The following LUZP1 variants were observed in gnomAD, a reference collection of about 807,000 sequenced individuals.
LUZP1 encodes the protein filamin mechanobinding actin cross-linking protein.
In LUZP1, 25 loss-of-function variants were observed where a neutral mutation model predicts 71.3. The ratio of observed to expected loss-of-function variants is 0.35; its 90% CI spans 0.26 to 0.49. LUZP1 has a LOEUF of 0.49. Among genes scored for constraint, LUZP1 ranks in the 20% least tolerant of loss-of-function variants. The probability of loss-of-function intolerance (pLI) is 0.99; values close to 1 mark genes in which losing one functional copy is unlikely to be tolerated. For missense variants in LUZP1, 1,142 were observed against 1,300.8 expected (o/e 0.88, Z 1.88); for synonymous variants, 481 against 506.4 (o/e 0.95, Z 0.67).
intron 2 of LUZP1, among the ~76,000 whole-genome samples, chr1:23,111,647 C>T (rs1644033958): frequency 6.6e-6 from 1 of 152,086 alleles, no homozygotes; most frequent in African/African-American, 2.4e-5. Flanking sequence ...GCTCTCCACC[C>T]TCTGCTTTTA....
Position 23,139,113 on chromosome 1 carries a change from GA to G in LUZP1, c.-226+29652del, listed in dbSNP as rs969811441. Among the ~76,000 whole-genome samples the G allele has an allele frequency of 3.8e-5, 5 of 130,750 alleles. No homozygotes were observed. In the East Asian group the frequency reaches 6.6e-4, roughly 17 times the overall value. The allele number at this position is 130,750 out of a possible 152,430, so 85.8% of individuals were successfully genotyped here. ...TATATATAGATTATATATAGATATA[GA>G]TTTTTTTTTTCCACACACACACAGA... On this transcript the variant is annotated intron_variant, in intron 2 of 4. Coordinates refer to ENST00000302291, the Ensembl canonical transcript of LUZP1.
intron 3 of LUZP1, among the ~76,000 whole-genome samples, chr1:23,107,534 C>A (rs896483362): frequency 2.6e-5 from 4 of 152,156 alleles, no homozygotes; most frequent in African/African-American, 9.7e-5. Context: ...GGTGCAGTGG[C>A]TCACACTTAT....
rs377198437 is a variant in LUZP1 at position 23,151,928 on chromosome 1, G to A, written c.-226+16838C>T. On this transcript the variant is annotated intron_variant, in intron 2 of 4. Coordinates refer to ENST00000302291, the Ensembl canonical transcript of LUZP1. ...GAGGCAGGAGAATCGCTTGAACCCA[G>A]GAGGCGGAGGTTGCAGTGAGCCAAG... Among the ~76,000 whole-genome samples the A allele has an allele frequency of 4.7e-4, 71 of 151,724 alleles. 1 individual carries two copies. Among genetic ancestry groups the A allele is most frequent in the East Asian group, 4.3e-3 (22 of 5,168 alleles).
chr1:23,176,696 A>G (rs928011371), intron 1 of LUZP1, among the ~76,000 whole-genome samples: 2 of 152,144 alleles, frequency 1.3e-5, no homozygotes, highest in Admixed American at 6.5e-5. Flanking sequence ...TCAAGACCCT[A>G]TAGAAAGAGT....
At chr1:23,140,585 C>G (rs1361931709) in intron 2 of LUZP1, 1 of 152,252 alleles carries the variant, frequency 6.6e-6, no homozygotes, top group African/African-American at 2.4e-5. Flanking sequence ...GTCCTTCCTG[C>G]CCTTTGAGGC....
In LUZP1 at chr1:23,116,616, AGAAAAGAAAAG is replaced by A. The variant is rs1217626982; in HGVS notation, c.-225-7500_-225-7490del. On this transcript the variant is annotated intron_variant, in intron 2 of 4. Transcript: ENST00000302291. ...AAAAAAGGCAAAGAGAAGAAAAAAGAGAAAAGAAAAGGAAAAGAAAAGAAAAGAAAGAAAAG... is the reference window on the plus strand; with the variant it reads ...AAAAAAGGCAAAGAGAAGAAAAAAGAGAAAAGAAAAGAAAAGAAAGAAAAG... Among the ~76,000 whole-genome samples the A allele has an allele frequency of 4.8e-4, 73 of 152,012 alleles. 1 individual carries two copies. Among genetic ancestry groups the A allele is most frequent in the African/African-American group, 1.6e-3 (65 of 41,484 alleles).
At chr1:23,126,698 T>C (rs905891314) in intron 2 of LUZP1, among the ~76,000 whole-genome samples, 1 of 152,208 alleles carries the variant, frequency 6.6e-6, no homozygotes, top group African/African-American at 2.4e-5. Context: ...TTACACCCTG[T>C]TCAGTTTATT....
intron 3 of LUZP1, among the ~76,000 whole-genome samples, chr1:23,105,316 TCATA>T (rs145107796): frequency 0.037 from 5,609 of 152,300 alleles, 355 homozygotes; most frequent in African/African-American, 0.13. Context: ...ATTTGTAGGT[TCATA>T]CTGGCTTTGT....
At chr1:23,096,829 C>A (rs1643894710) in intron 3 of LUZP1, among the ~76,000 whole-genome samples, 1 of 152,052 alleles carries the variant, frequency 6.6e-6, no homozygotes, top group Admixed American at 6.5e-5. Flanking sequence ...AAAAATTAGC[C>A]AGGTGTGGTG....
At chr1:23,140,324 A>G (rs957262726) in intron 2 of LUZP1, 4 of 152,120 alleles carry the variant, frequency 2.6e-5, no homozygotes, top group Non-Finnish European at 4.4e-5. Flanking sequence ...TGTAATACAC[A>G]TATTACACTT....
exon 5 of LUZP1, chr1:23,084,811 C>T (rs1643736347): frequency 6.6e-6 from 1 of 152,108 alleles, no homozygotes; most frequent in Non-Finnish European, 1.5e-5. Context: ...GTTTCCAGTC[C>T]TTGCAGTATC....
intron 2 of LUZP1, among the ~76,000 whole-genome samples, chr1:23,161,082 A>G (rs1272259942): frequency 6.6e-6 from 1 of 152,256 alleles, no homozygotes; most frequent in African/African-American, 2.4e-5. Flanking sequence ...TAATGGGACC[A>G]AAGGTGCTGA....
chr1:23,176,963 T>G (rs2806558), intron 1 of LUZP1, among the ~76,000 whole-genome samples: 2 of 151,694 alleles, frequency 1.3e-5, no homozygotes, highest in Non-Finnish European at 2.9e-5. Flanking sequence ...CTCACCACAG[T>G]CTCAAACTCC....
At position 23,093,355 on chromosome 1, in the gene LUZP1, T is replaced by G; in HGVS notation, c.907A>C (p.Lys303Gln). Residue 303 changes from lysine to glutamine, a missense_variant, in exon 4 of 5, where the codon AAA becomes CAA. By Grantham distance (53) the Lys-to-Gln change is moderately conservative (BLOSUM62 1). Coordinates refer to ENST00000302291, the Ensembl canonical transcript of LUZP1. The surrounding 1 kb of genome is among the most constrained non-coding windows in gnomAD (Gnocchi z 4.2). ...TCTTCTTCCAACGATTCAAAGTGTT[T>G]GATTTGTGTCTTAAGTTTCTCAATC... The G allele has an allele frequency of 1.9e-6, 3 of 1,613,426 alleles. No individual in the cohort carries two copies. The highest frequency in any genetic ancestry group is 2.5e-6 in the Non-Finnish European group (3 of 1,179,880).
chr1:23,143,715 A>G (rs1232942248), intron 2 of LUZP1, among the ~76,000 whole-genome samples: 3 of 152,238 alleles, frequency 2.0e-5, no homozygotes, highest in Non-Finnish European at 4.4e-5. Flanking sequence ...AGAAAGGTTC[A>G]TAACAGTTCA....
intron 2 of LUZP1, among the ~76,000 whole-genome samples, chr1:23,130,989 G>A (rs1644210669): frequency 6.6e-6 from 1 of 151,820 alleles, no homozygotes; most frequent in Non-Finnish European, 1.5e-5. Context: ...AGGCAGAGGT[G>A]GGCAGATCAC....
chr1:23,147,612 C>CAAAA (rs774893320), intron 2 of LUZP1, among the ~76,000 whole-genome samples: 44 of 61,434 alleles, frequency 7.2e-4, no homozygotes, highest in African/African-American at 1.7e-3. Context: ...AGTCTCTACC[C>CAAAA]AAAAAAAAAA....
At chr1:23,123,997 A>G (rs1282166675) in intron 2 of LUZP1, among the ~76,000 whole-genome samples, 1 of 152,190 alleles carries the variant, frequency 6.6e-6, no homozygotes, top group Non-Finnish European at 1.5e-5. Context: ...GTCTTAGAGC[A>G]CTGAAGAAAA....
At chr1:23,134,668 C>T (rs892216030) in intron 2 of LUZP1, among the ~76,000 whole-genome samples, 2 of 152,050 alleles carry the variant, frequency 1.3e-5, no homozygotes, top group East Asian at 1.9e-4. Context: ...CTGGTCCCAG[C>T]TACTTGGGAG....
Sources: allele counts gnomAD v4.1 joint callset (sites outside exome capture counted in the v4.1 genomes callset), GRCh38; gene constraint gnomAD v4.1.1; non-coding constraint Gnocchi (gnomAD v3.1); transcripts MANE v1.5; gene names NCBI Gene and HGNC (gene_info 2026-07-23, HGNC 2026-07-21).